The following ECRG4 variants were observed in gnomAD, a reference collection of about 807,000 sequenced individuals.
The protein encoded by ECRG4 is ECRG4 augurin precursor.
In ECRG4, 18 loss-of-function variants were observed where a neutral mutation model predicts 15.8. The ratio of observed to expected loss-of-function variants is 1.14; its 90% CI spans 0.79 to 1.69. ECRG4 has a LOEUF of 1.69. ECRG4 is among the 40% of genes most tolerant of loss of function. The pLI is 0.00. For synonymous variants in ECRG4, 82 were observed against 73.9 expected, an observed-to-expected ratio of 1.11 and a Z score of -0.56; for missense variants, 200 against 190.9, an observed-to-expected ratio of 1.05 and a Z score of -0.28.
intron 3 of ECRG4, 60 bp downstream of exon 3, chr2:106,074,103 CCT>C: frequency 6.3e-7 from 1 of 1,586,582 alleles, no homozygotes; most frequent in Non-Finnish European, 8.6e-7. Context: ...AGGGAGGAGG[CCT>C]GGCTCGGGGA....
At position 106,067,993 on chromosome 2, in the gene ECRG4, G is replaced by A. The variant is rs555486768; in HGVS notation, c.79+2150G>A. Among the ~76,000 whole-genome samples, 15 of 116,094 alleles carry A rather than the reference G, an allele frequency of 1.3e-4. 1 individual carries two copies. The South Asian group carries it at 4.9e-3, about 38-fold the overall frequency. 76.2% of individuals were successfully genotyped at this position (116,094 alleles called of 152,430 possible). ...GGGACTACAGGTGTGTTGACTCCAC[G>A]CCTGGCAATTTTTTTTTTTTCTTTT... On this transcript the variant is annotated intron_variant, in intron 1 of 3. Transcript: ENST00000238044.
At chr2:106,074,130 A>T in intron 3 of ECRG4, 87 bp downstream of exon 3, 1 of 1,508,402 alleles carries the variant, frequency 6.6e-7, no homozygotes, top group Non-Finnish European at 9.1e-7. Flanking sequence ...GGAAGCAGAA[A>T]ATTCAGCTTT....
intron 2 of ECRG4, 24 bp downstream of exon 2, chr2:106,071,915 G>A (rs1676380618): frequency 1.3e-6 from 2 of 1,596,966 alleles, no homozygotes; most frequent in African/African-American, 1.3e-5. Flanking sequence ...AAATGGATAA[G>A]GGATGCATTC....
At chr2:106,063,862 G>A (rs558735848), upstream of ECRG4, among the ~76,000 whole-genome samples, 67 of 152,336 alleles carry the variant, frequency 4.4e-4, no homozygotes, top group East Asian at 3.5e-3. Flanking sequence ...GATTACAGGC[G>A]TGAGCCACCA....
intron 1 of ECRG4, chr2:106,070,839 A>G: frequency 2.2e-6 from 1 of 458,360 alleles, no homozygotes; most frequent in South Asian, 1.6e-5. Flanking sequence ...CCTGCTGAGA[A>G]AGTGGTCACC....
chr2:106,070,925 A>G (rs1378079182), intron 1 of ECRG4: 6 of 471,230 alleles, frequency 1.3e-5, no homozygotes, highest in Admixed American at 9.4e-5. Flanking sequence ...GATGTCATGC[A>G]ACAGTTAAGG....
Position 106,077,975 on chromosome 2 carries a change from T to G in ECRG4, c.*49T>G, listed in dbSNP as rs1348195488. The G allele has an allele frequency of 1.3e-6, 2 of 1,576,134 alleles. No individual in the cohort carries two copies. The highest frequency in any genetic ancestry group is 1.7e-6 in the Non-Finnish European group (2 of 1,155,608). On this transcript the variant is annotated 3_prime_UTR_variant, in exon 4 of 4. Coordinates refer to ENST00000238044, the MANE Select transcript of ECRG4 (RefSeq NM_032411.3). ...AAGAAGCAAATAGCGATTCTCTTCA[T>G]GTATCTCCTAATGCCTTACACTACT...
At position 106,068,963 on chromosome 2, in the gene ECRG4, C is replaced by T. The variant is rs150283331; in HGVS notation, c.80-2881C>T. On this transcript the variant is annotated intron_variant, in intron 1 of 3. Coordinates refer to ENST00000238044, the MANE Select transcript of ECRG4 (RefSeq NM_032411.3). The stretch of plus-strand genomic sequence containing the variant: ...CCTCCAGCAACTCTTAATCTCAAAC[C>T]CCCCAAGGCCATTTGTCCCATCTTG... Among the ~76,000 whole-genome samples the T allele has an allele frequency of 3.1e-3, 476 of 152,288 alleles. 6 individuals are homozygous for T. The highest frequency in any genetic ancestry group is 0.011 in the African/African-American group (441 of 41,556).
chr2:106,071,155 C>G (rs887396098), intron 1 of ECRG4: 2 of 387,090 alleles, frequency 5.2e-6, no homozygotes, highest in Non-Finnish European at 1.0e-5. Flanking sequence ...AAGGCAAGTT[C>G]CCCAGTGTGT....
upstream of ECRG4, among the ~76,000 whole-genome samples, chr2:106,063,568 A>G (rs143146839): frequency 2.4e-3 from 361 of 152,242 alleles, 1 homozygote; most frequent in African/African-American, 8.4e-3. Context: ...CTCTGGTCAT[A>G]TCCCGATTAA....
At chr2:106,074,461 A>C (rs1324647695) in intron 3 of ECRG4, among the ~76,000 whole-genome samples, 2 of 152,240 alleles carry the variant, frequency 1.3e-5, no homozygotes, top group Non-Finnish European at 2.9e-5. Flanking sequence ...TGATAATGAA[A>C]AGAGATGAAA....
upstream of ECRG4, among the ~76,000 whole-genome samples, chr2:106,065,489 C>T (rs1189262525): frequency 6.6e-6 from 1 of 152,144 alleles, no homozygotes. Context: ...GGCGGTTCTC[C>T]GTGGCCAAGC....
upstream of ECRG4, among the ~76,000 whole-genome samples, chr2:106,064,608 T>G (rs143321882): frequency 1.3e-5 from 2 of 151,934 alleles, no homozygotes; most frequent in African/African-American, 4.8e-5. Context: ...AACCCCGGAG[T>G]TGGAGGTTGC....
At chr2:106,074,230 G>T (rs1676435535) in intron 3 of ECRG4, 187 bp downstream of exon 3, 3 of 660,002 alleles carry the variant, frequency 4.5e-6, no homozygotes, top group Non-Finnish European at 5.0e-6. Flanking sequence ...GCGATGGCTG[G>T]AAGTTTCCAC....
At position 106,071,854 on chromosome 2, in the gene ECRG4, T is replaced by C. The variant is rs1165735552; in HGVS notation, c.90T>C (p.Ser30=). ...LLLCWGPGGI[S]GNKLKLMLQK... ...TTTTCATTCCTTTAGGTGGCATAAG[T>C]GGAAATAAACTCAAGCTGATGCTTC... The change falls in exon 2 of 4, where the codon AGT becomes AGC. Residue 30 remains serine, a synonymous_variant. Transcript: ENST00000238044. 1 of 1,613,600 alleles carries C rather than the reference T, an allele frequency of 6.2e-7. No homozygotes were observed. Among genetic ancestry groups the C allele is most frequent in the Non-Finnish European group, 8.5e-7 (1 of 1,179,612 alleles).
At chr2:106,071,967 C>G (rs1676381119) in intron 2 of ECRG4, 76 bp downstream of exon 2, 2 of 1,286,752 alleles carry the variant, frequency 1.6e-6, no homozygotes, top group Non-Finnish European at 2.2e-6. Context: ...ATTGTGCTCA[C>G]TGGAGTCTTG....
At chr2:106,073,113 C>G (rs1487915517) in intron 2 of ECRG4, among the ~76,000 whole-genome samples, 1 of 152,224 alleles carries the variant, frequency 6.6e-6, no homozygotes. Context: ...TCGAGAGGGA[C>G]TGTCCACCCA....
intron 1 of ECRG4, among the ~76,000 whole-genome samples, chr2:106,067,978 G>T (rs1255048803): frequency 6.7e-6 from 1 of 149,606 alleles, no homozygotes; most frequent in Non-Finnish European, 1.5e-5. Flanking sequence ...GGGACTACAG[G>T]TGTGTTGACT....
intron 3 of ECRG4, among the ~76,000 whole-genome samples, chr2:106,076,313 T>G (rs979668034): frequency 2.6e-5 from 4 of 151,888 alleles, no homozygotes; most frequent in African/African-American, 7.3e-5. Context: ...AGAGTGAAAC[T>G]CCCTCTTAAA....
Sources: gnomAD v4.1 joint callset for allele counts (sites outside exome capture counted in the v4.1 genomes callset) on GRCh38, gnomAD v4.1.1 for gene constraint, MANE v1.5 for transcripts, NCBI Gene and HGNC (gene_info 2026-07-23, HGNC 2026-07-21) for gene names.